The following IL2RB variants were observed in gnomAD, a reference collection of about 807,000 sequenced individuals.
The protein encoded by IL2RB is interleukin-2 receptor subunit beta.
Under a neutral mutation model 44.2 loss-of-function variants are expected in IL2RB, and 17 were observed. The ratio of observed to expected loss-of-function variants is 0.38; its 90% CI spans 0.26 to 0.58. The LOEUF is 0.58. IL2RB is among the 20% of genes least tolerant of loss of function. The probability of loss-of-function intolerance (pLI) is 0.63; values close to 1 mark genes in which losing one functional copy is unlikely to be tolerated. For missense variants in IL2RB, 624 were observed against 685.5 expected, an observed-to-expected ratio of 0.91 and a Z score of 1.00; for synonymous variants, 286 against 297.9, an observed-to-expected ratio of 0.96 and a Z score of 0.41.
intron 1 of IL2RB, among the ~76,000 whole-genome samples, chr22:37,167,616 A>C (rs1156657953): frequency 6.6e-6 from 1 of 152,190 alleles, no homozygotes; most frequent in African/African-American, 2.4e-5. Flanking sequence ...CCCAGGCCTC[A>C]GCCTGCGGTC....
intron 1 of IL2RB, among the ~76,000 whole-genome samples, chr22:37,157,369 C>T: frequency 6.6e-6 from 1 of 152,144 alleles, no homozygotes; most frequent in Admixed American, 6.5e-5. Context: ...TTTGCCACAG[C>T]AGCCACCTCC....
intron 8 of IL2RB, among the ~76,000 whole-genome samples, chr22:37,133,620 G>A (rs893690856): frequency 2.0e-5 from 3 of 152,196 alleles, no homozygotes; most frequent in African/African-American, 7.2e-5. Flanking sequence ...GGTCAGAAGT[G>A]TCACCTCCTC....
intron 5 of IL2RB, 46 bp from the exon 6 acceptor site, chr22:37,137,781 A>G (rs776134569): frequency 6.6e-7 from 1 of 1,522,430 alleles, no homozygotes; most frequent in African/African-American, 1.4e-5. Context: ...CATGACCTCC[A>G]CCTCCCACTT....
intron 1 of IL2RB, among the ~76,000 whole-genome samples, chr22:37,146,599 T>C (rs1601604934): frequency 2.0e-5 from 3 of 152,312 alleles, no homozygotes; most frequent in Middle Eastern, 3.4e-3. Context: ...CCTTTTTCCA[T>C]GAAGCCTTCC....
chr22:37,147,684 C>T lies in IL2RB; in HGVS notation c.-34+2141G>A, dbSNP rs141079223. ...ACACTGGTCCCAGAGGTAAGGCTGC[C>T]ACCCTCTCTGTCCTGGGAGTCAGGA... On this transcript the variant is annotated intron_variant, in intron 1 of 9. Coordinates refer to ENST00000216223, the MANE Select transcript of IL2RB (RefSeq NM_000878.5). 1.5e-4 allele frequency among the ~76,000 whole-genome samples: 23 copies of T among 152,334 alleles called. 1 individual carries two copies. Among genetic ancestry groups the T allele is most frequent in the Admixed American group, 1.4e-3 (21 of 15,312 alleles).
At chr22:37,164,028 T>C (rs1439860244) in intron 1 of IL2RB, among the ~76,000 whole-genome samples, 1 of 152,150 alleles carries the variant, frequency 6.6e-6, no homozygotes, top group Non-Finnish European at 1.5e-5. Flanking sequence ...ACCATTTCTG[T>C]GGGTTGCACA....
intron 5 of IL2RB, among the ~76,000 whole-genome samples, chr22:37,138,833 G>A (rs1037951486): frequency 2.0e-5 from 3 of 152,232 alleles, no homozygotes; most frequent in African/African-American, 7.2e-5. Flanking sequence ...CTCAGAGGCA[G>A]GGATAGGCAA....
chr22:37,152,267 T>C (rs1922520061), upstream of IL2RB, among the ~76,000 whole-genome samples: 1 of 152,246 alleles, frequency 6.6e-6, no homozygotes, highest in African/African-American at 2.4e-5. Context: ...ATAGTTTTCA[T>C]TATAGAGATC....
At chr22:37,165,309 C>T (rs149463695) in intron 1 of IL2RB, among the ~76,000 whole-genome samples, 1 of 152,370 alleles carries the variant, frequency 6.6e-6, no homozygotes, top group Non-Finnish European at 1.5e-5. Flanking sequence ...TGTGCCTGCT[C>T]TGGCCGTGTG....
At chr22:37,143,003 C>A (rs186391823) in intron 3 of IL2RB, among the ~76,000 whole-genome samples, 1 of 152,190 alleles carries the variant, frequency 6.6e-6, no homozygotes, top group Non-Finnish European at 1.5e-5. Flanking sequence ...TCCCTGACCC[C>A]ATCAAGCCTA....
chr22:37,157,087 C>T (rs759919783), intron 1 of IL2RB, among the ~76,000 whole-genome samples: 41 of 142,352 alleles, frequency 2.9e-4, no homozygotes, highest in Non-Finnish European at 4.7e-4. Context: ...TCTGACCCTC[C>T]GCCCAGTCCC....
At chr22:37,169,289 TGTTTACAGAGGGGTTCTTGTTTACAC>T (rs1433630782) in intron 1 of IL2RB, among the ~76,000 whole-genome samples, 4 of 148,774 alleles carry the variant, frequency 2.7e-5, no homozygotes, top group African/African-American at 5.2e-5. Flanking sequence ...AGATGGATTC[TGTTTACAGAGGGGTTCTTGTTTACAC>T]GTTTACAGAG....
intron 1 of IL2RB, among the ~76,000 whole-genome samples, chr22:37,166,013 T>C: frequency 6.6e-6 from 1 of 152,152 alleles, no homozygotes; most frequent in South Asian, 2.1e-4. Flanking sequence ...GTGTGTTCTT[T>C]CCAGAACTCC....
At chr22:37,135,242 TTGTGTGCGTG>T (rs1921625150) in intron 8 of IL2RB, 76 bp downstream of exon 8, 6 of 854,910 alleles carry the variant, frequency 7.0e-6, no homozygotes, top group Non-Finnish European at 1.0e-5. Context: ...GTATGTGTGC[TTGTGTGCGTG>T]TGTGTGCATG....
At chr22:37,150,518 T>C (rs1922443376), upstream of IL2RB, among the ~76,000 whole-genome samples, 1 of 152,216 alleles carries the variant, frequency 6.6e-6, no homozygotes, top group African/African-American at 2.4e-5. Context: ...ATACAATGTA[T>C]AATAATCACA....
chr22:37,135,451 G>A lies in IL2RB; in HGVS notation c.704-9C>T, dbSNP rs370367903. 3 of 1,583,080 alleles carry A rather than the reference G, an allele frequency of 1.9e-6. No homozygotes were observed. Among genetic ancestry groups the A allele is most frequent in the East Asian group, 2.2e-5 (1 of 44,754 alleles). On this transcript the variant is annotated splice_polypyrimidine_tract_variant and intron_variant, in intron 7 of 9. Transcript: ENST00000216223. The stretch of plus-strand genomic sequence containing the variant: ...GGTGTCCTTCCCAAGGGCTGCCCAG[G>A]GGTGGGAGAAACAGCAAGGAGAGGG...
At chr22:37,134,352 C>T (rs926220346) in intron 8 of IL2RB, among the ~76,000 whole-genome samples, 5 of 152,112 alleles carry the variant, frequency 3.3e-5, no homozygotes, top group African/African-American at 4.8e-5. Flanking sequence ...CACCTGTAAT[C>T]TTAGCATTTT....
chr22:37,130,860 G>A (rs143875988), intron 9 of IL2RB, among the ~76,000 whole-genome samples: 43 of 152,318 alleles, frequency 2.8e-4, no homozygotes, highest in Non-Finnish European at 3.7e-4. Flanking sequence ...ATACATTCCC[G>A]CACATTAAGA....
chr22:37,129,000 C>G lies in IL2RB; in HGVS notation c.904-152G>C. 1.0e-6 allele frequency: 1 copy of G among 963,018 alleles called. No individual in the cohort carries two copies. The highest frequency in any genetic ancestry group is 2.6e-5 in the East Asian group (1 of 37,766). The allele number at this position is 963,018 out of a possible 1,614,324, so 59.7% of individuals were successfully genotyped here. A position where few individuals can be genotyped will look rare whatever the true frequency, so the allele number is the denominator to read the frequency against. On this transcript the variant is annotated intron_variant, in intron 9 of 9. Coordinates refer to ENST00000216223, the MANE Select transcript of IL2RB (RefSeq NM_000878.5). The surrounding 1 kb of genome is among the most constrained non-coding windows in gnomAD (Gnocchi z 4.5). ...AGGAAGCTCTCCCTGATTATAGCCC[C>G]GCACTCCCCCAACCCACCCACTGGC...
Sources: gnomAD v4.1 joint callset for allele counts (sites outside exome capture counted in the v4.1 genomes callset) on GRCh38, gnomAD v4.1.1 for gene constraint, Gnocchi (gnomAD v3.1) non-coding constraint, MANE v1.5 for transcripts, NCBI Gene and HGNC (gene_info 2026-07-23, HGNC 2026-07-21) for gene names.